The following DDX59 variants were observed in gnomAD, a reference collection of about 807,000 sequenced individuals.
The protein encoded by DDX59 is DEAD-box helicase 59.
DDX59 carries 30 observed loss-of-function variants against 51.9 expected under a neutral mutation model. The ratio of observed to expected loss-of-function variants is 0.58; its 90% CI spans 0.43 to 0.78. The LOEUF is 0.78. Ranked by LOEUF, DDX59 falls within the 30% of genes least tolerant of loss-of-function variation. DDX59 has a pLI of 0.00. For missense variants in DDX59, 672 were observed against 730.8 expected (o/e 0.92, Z 0.93); for synonymous variants, 255 against 253.3 (o/e 1.01, Z -0.06).
intron 3 of DDX59, among the ~76,000 whole-genome samples, chr1:200,661,664 A>T (rs1358274135): frequency 6.6e-6 from 1 of 152,236 alleles, no homozygotes; most frequent in Non-Finnish European, 1.5e-5. Context: ...AAGACACAAC[A>T]ACTAAATGCA....
At chr1:200,653,542 T>C (rs1267805195) in intron 4 of DDX59, among the ~76,000 whole-genome samples, 1 of 152,162 alleles carries the variant, frequency 6.6e-6, no homozygotes, top group African/African-American at 2.4e-5. Context: ...TCTTCTAAAA[T>C]ATAAATCAGA....
At chr1:200,649,372 T>A in intron 5 of DDX59, 146 bp from the exon 6 acceptor site, 1 of 746,388 alleles carries the variant, frequency 1.3e-6, no homozygotes, top group Non-Finnish European at 2.0e-6. Context: ...CTCACACCTG[T>A]AATCTCAGCA....
chr1:200,646,900 AT>A (rs1330331548), intron 7 of DDX59, among the ~76,000 whole-genome samples: 1 of 152,190 alleles, frequency 6.6e-6, no homozygotes, highest in Non-Finnish European at 1.5e-5. Context: ...TACACGATAA[AT>A]TTTTTTGGCA....
In DDX59 at chr1:200,669,895, T is replaced by TGCGGGGCGGTGCGGG. The variant is rs141196498; in HGVS notation, c.-141_-140insCCCGCACCGCCCCGC. The TGCGGGGCGGTGCGGG allele has an allele frequency of 8.2e-6, 1 of 122,182 alleles. No individual in the cohort carries two copies. The highest frequency in any genetic ancestry group is 2.7e-5 in the African/African-American group (1 of 37,258). The allele number at this position is 122,182 out of a possible 1,614,324, so 7.6% of individuals were successfully genotyped here. Reference sequence around the variant, plus strand: ...CAGGACTGCGGCCCGGGGTTGGTGGTGCGGAGCGGAGCGGAGCGGAGCGTA... The same window carrying TGCGGGGCGGTGCGGG: ...CAGGACTGCGGCCCGGGGTTGGTGGTGCGGGGCGGTGCGGGGCGGAGCGGAGCGGAGCGGAGCGTA... On this transcript the variant is annotated 5_prime_UTR_variant, in exon 1 of 8. Transcript: ENST00000331314.
chr1:200,643,014 TA>T (rs1473400193), downstream of DDX59, among the ~76,000 whole-genome samples: 2 of 152,330 alleles, frequency 1.3e-5, no homozygotes, highest in East Asian at 1.9e-4. Flanking sequence ...CTATAGCTAA[TA>T]TTTTTTTGCA....
intron 7 of DDX59, among the ~76,000 whole-genome samples, chr1:200,645,025 G>A (rs1661211959): frequency 6.6e-6 from 1 of 151,868 alleles, no homozygotes; most frequent in African/African-American, 2.4e-5. Flanking sequence ...ATTTTTAATG[G>A]AACAGACCAA....
At chr1:200,667,868 T>C (rs1222294265) in intron 1 of DDX59, among the ~76,000 whole-genome samples, 2 of 152,026 alleles carry the variant, frequency 1.3e-5, no homozygotes, top group Non-Finnish European at 2.9e-5. Flanking sequence ...TAGAGTAATA[T>C]ACACAAGACT....
chr1:200,642,754 G>A (rs1271350626), downstream of DDX59, among the ~76,000 whole-genome samples: 1 of 152,160 alleles, frequency 6.6e-6, no homozygotes, highest in Non-Finnish European at 1.5e-5. Flanking sequence ...ATGCAACTGC[G>A]CTTAACTCTC....
At chr1:200,667,262 A>G (rs193051987) in intron 1 of DDX59, among the ~76,000 whole-genome samples, 1,676 of 152,228 alleles carry the variant, frequency 0.011, 15 homozygotes, top group Non-Finnish European at 0.015. Context: ...TTAGCTGGGC[A>G]TGGTGGCGCA....
At chr1:200,650,087 G>T (rs1661559174) in intron 5 of DDX59, among the ~76,000 whole-genome samples, 1 of 151,996 alleles carries the variant, frequency 6.6e-6, no homozygotes, top group Admixed American at 6.6e-5. Flanking sequence ...CTCGTGATCT[G>T]CCCGCCTCGG....
intron 7 of DDX59, 152 bp downstream of exon 7, chr1:200,648,287 T>A (rs1571611970): frequency 3.0e-6 from 3 of 1,000,008 alleles, no homozygotes; most frequent in Middle Eastern, 3.1e-4. Context: ...TTTCGAGTGA[T>A]CTGCCCGCGA....
rs1024463089 is a variant in DDX59 at position 200,666,625 on chromosome 1, T to A, written c.116A>T (p.Asp39Val). 8.7e-6 allele frequency: 14 copies of A among 1,614,208 alleles called. No individual in the cohort carries two copies. Among genetic ancestry groups the A allele is most frequent in the Middle Eastern group, 1.6e-4 (1 of 6,062 alleles). Reference protein sequence around the residue: ...PEDLQLDKSRDVPVDAVATEA... With the variant: ...PEDLQLDKSRVVPVDAVATEA... ...TGTAGCTACAGCATCAACGGGAACA[T>A]CTCTGCTTTTGTCCAACTGAAGGTC... is the stretch of plus-strand genomic sequence containing the variant. The change falls in exon 2 of 8, where the codon GAT (aspartate) becomes GTT (valine). Residue 39 changes from aspartate to valine, a missense_variant. Asp to Val is a radical substitution (Grantham distance 152, BLOSUM62 -3). Transcript: ENST00000331314.
rs146935190 is a variant in DDX59 at position 200,666,403 on chromosome 1, C to T, written c.338G>A (p.Arg113His). The change falls in exon 2 of 8, where the codon CGT (arginine) becomes CAT (histidine). Residue 113 changes from arginine (R) to histidine (H), a missense_variant. Physicochemically the swap from Arg to His is conservative, Grantham distance 29. Coordinates refer to ENST00000331314, the MANE Select transcript of DDX59 (RefSeq NM_001031725.6). Reference sequence around the variant, plus strand: ...CTTATCACAGATATACTCTCCATAACGACCACAGACAACACAGATGGGTTC... The same window carrying T: ...CTTATCACAGATATACTCTCCATAATGACCACAGACAACACAGATGGGTTC... ...PGEPICVVCG[R>H]YGEYICDKTD... The T allele has an allele frequency of 7.4e-6, 12 of 1,614,088 alleles. No individual in the cohort carries two copies. The highest frequency in any genetic ancestry group is 2.2e-5 in the East Asian group (1 of 44,904).
At chr1:200,643,155 C>A (rs1661097744), downstream of DDX59, among the ~76,000 whole-genome samples, 1 of 151,590 alleles carries the variant, frequency 6.6e-6, no homozygotes, top group African/African-American at 2.4e-5. Context: ...CATAGTGAGA[C>A]AACGCCTGTG....
chr1:200,660,709 A>C (rs911540830), intron 3 of DDX59, among the ~76,000 whole-genome samples: 62 of 152,212 alleles, frequency 4.1e-4, no homozygotes, highest in African/African-American at 1.5e-3. Context: ...GGTTTCTAAT[A>C]AATATAGATA....
At chr1:200,641,606 C>T (rs912617728), downstream of DDX59, among the ~76,000 whole-genome samples, 2 of 149,198 alleles carry the variant, frequency 1.3e-5, no homozygotes, top group African/African-American at 2.5e-5. Flanking sequence ...TGGTGGCTCA[C>T]GCCTGTAATC....
intron 4 of DDX59, among the ~76,000 whole-genome samples, chr1:200,655,523 A>G (rs943995892): frequency 6.6e-6 from 1 of 152,190 alleles, no homozygotes; most frequent in South Asian, 2.1e-4. Flanking sequence ...CAGGCCCTCT[A>G]TAATTTGGCC....
intron 3 of DDX59, among the ~76,000 whole-genome samples, chr1:200,661,317 T>C (rs928677483): frequency 6.6e-6 from 1 of 152,096 alleles, no homozygotes; most frequent in African/African-American, 2.4e-5. Context: ...AAATTCAAAG[T>C]GTGGTGAAGA....
At chr1:200,653,087 GCTT>G (rs915700891) in intron 4 of DDX59, among the ~76,000 whole-genome samples, 2 of 152,146 alleles carry the variant, frequency 1.3e-5, no homozygotes, top group Non-Finnish European at 2.9e-5. Context: ...TGGGTCACAG[GCTT>G]CTTCTTTCCT....
Sources: allele counts gnomAD v4.1 joint callset (sites outside exome capture counted in the v4.1 genomes callset), GRCh38; gene constraint gnomAD v4.1.1; transcripts MANE v1.5; gene names NCBI Gene and HGNC (gene_info 2026-07-23, HGNC 2026-07-21).